The following CHRM2 variants were observed in gnomAD, a reference collection of about 807,000 sequenced individuals.
CHRM2 encodes the protein cholinergic receptor muscarinic 2, also known as muscarinic acetylcholine receptor M2.
In CHRM2, 8 loss-of-function variants were observed where a neutral mutation model predicts 25.0. The observed-to-expected ratio is 0.32, with a 90% CI of 0.19 to 0.58. The LOEUF (loss-of-function observed/expected upper bound fraction) is 0.58. CHRM2 is among the 20% of genes least tolerant of loss of function. The probability of loss-of-function intolerance (pLI) is 0.88; values close to 1 mark genes in which losing one functional copy is unlikely to be tolerated. For synonymous variants in CHRM2, 202 were observed against 205.7 expected, an observed-to-expected ratio of 0.98 and a Z score of 0.15; for missense variants, 440 against 567.1, an observed-to-expected ratio of 0.78 and a Z score of 2.28.
At chr7:136,909,999 C>T (rs1360948213) in intron 2 of CHRM2, among the ~76,000 whole-genome samples, 1 of 151,804 alleles carries the variant, frequency 6.6e-6, no homozygotes, top group African/African-American at 2.4e-5. Flanking sequence ...CCCCAACACA[C>T]ACACACACCA....
In CHRM2 at chr7:137,011,469, G is replaced by A. The variant is rs546474886; in HGVS notation, c.-46-3351G>A. Among the ~76,000 whole-genome samples the A allele has an allele frequency of 4.2e-4, 64 of 151,940 alleles. 2 individuals are homozygous for A. The South Asian group carries it at 0.012, about 28-fold the overall frequency. On this transcript the variant is annotated intron_variant, in intron 3 of 3. Coordinates refer to ENST00000680005, the MANE Select transcript of CHRM2 (RefSeq NM_001006630.2). ...GCCTGGAATTCTGATGTCCAAGACC[G>A]CAGAAGAAAAGTCTATCACAGTTTC...
intron 2 of CHRM2, chr7:136,903,030 C>A (rs995794275): frequency 3.8e-5 from 19 of 495,058 alleles, no homozygotes; most frequent in Middle Eastern, 6.3e-4. Context: ...CAACTTTAAA[C>A]AATAGGCCAG....
At chr7:137,000,548 G>A in intron 3 of CHRM2, among the ~76,000 whole-genome samples, 1 of 22,786 alleles carries the variant, frequency 4.4e-5, no homozygotes, top group Admixed American at 4.8e-4. Flanking sequence ...AAGAAAGAAA[G>A]AAGGAAGGAA....
Position 136,989,228 on chromosome 7 carries a change from G to A in CHRM2, c.-124-2959G>A, listed in dbSNP as rs192830476. Reference sequence around the variant, plus strand: ...ATCCATGCTAAGGTTAAAGATTTTTGTTTTTATAGTTTTAACTTTTTGCAT... The same window carrying A: ...ATCCATGCTAAGGTTAAAGATTTTTATTTTTATAGTTTTAACTTTTTGCAT... On this transcript the variant is annotated intron_variant, in intron 2 of 3. Transcript: ENST00000680005. 1.5e-3 allele frequency among the ~76,000 whole-genome samples: 234 copies of A among 151,152 alleles called. 1 individual carries two copies. Among genetic ancestry groups the A allele is most frequent in the South Asian group, 3.4e-3 (16 of 4,776 alleles).
intron 2 of CHRM2, among the ~76,000 whole-genome samples, chr7:136,904,917 C>A (rs1165351391): frequency 6.6e-6 from 1 of 151,864 alleles, no homozygotes; most frequent in Non-Finnish European, 1.5e-5. Context: ...ACTCACTACA[C>A]TTCTGTATTT....
intron 2 of CHRM2, among the ~76,000 whole-genome samples, chr7:136,967,164 T>C (rs1801471982): frequency 6.6e-6 from 1 of 152,018 alleles, no homozygotes; most frequent in Admixed American, 6.6e-5. Flanking sequence ...TGTTTCAGGA[T>C]TCCTGCATGG....
intron 2 of CHRM2, among the ~76,000 whole-genome samples, chr7:136,963,801 A>C (rs1000489653): frequency 6.6e-5 from 10 of 152,174 alleles, no homozygotes; most frequent in Non-Finnish European, 1.5e-4. Context: ...ATTAAAAAAA[A>C]AAATTTCTCT....
chr7:136,912,646 G>C (rs1056760668), intron 2 of CHRM2, among the ~76,000 whole-genome samples: 1 of 151,742 alleles, frequency 6.6e-6, no homozygotes, highest in Non-Finnish European at 1.5e-5. Context: ...TCTTGATATT[G>C]CTTCTTAGGT....
At chr7:136,949,758 G>A (rs1375092018) in intron 2 of CHRM2, among the ~76,000 whole-genome samples, 3 of 5,966 alleles carry the variant, frequency 5.0e-4, no homozygotes, top group Non-Finnish European at 8.5e-4. Context: ...TTTTTTTTTG[G>A]AGACAGAGTC....
chr7:136,981,407 G>C (rs886897483), intron 2 of CHRM2, among the ~76,000 whole-genome samples: 27 of 152,136 alleles, frequency 1.8e-4, no homozygotes, highest in African/African-American at 6.0e-4. Flanking sequence ...TGGATTCAAT[G>C]AATTTTTGAA....
chr7:136,909,987 C>T (rs985758319), intron 2 of CHRM2, among the ~76,000 whole-genome samples: 3 of 151,664 alleles, frequency 2.0e-5, no homozygotes, highest in Non-Finnish European at 2.9e-5. Flanking sequence ...CACATACACC[C>T]CCCCCAACAC....
intron 2 of CHRM2, among the ~76,000 whole-genome samples, chr7:136,988,042 GTATAA>G (rs889107913): frequency 6.1e-4 from 92 of 150,560 alleles, no homozygotes; most frequent in African/African-American, 1.2e-3. Context: ...AGAATTTTAT[GTATAA>G]TATATTTATT....
rs1473849515 is a variant in CHRM2 at position 136,933,556 on chromosome 7, C to A, written c.-124-58631C>A. Among the ~76,000 whole-genome samples the A allele has an allele frequency of 2.0e-5, 3 of 152,136 alleles. No individual in the cohort carries two copies. The East Asian group carries it at 5.8e-4, about 29-fold the overall frequency. ...AAAAATTTAAATATAGAGTCACCAA[C>A]ATGACTCAACAATTCTCCTTCTAGT... On this transcript the variant is annotated intron_variant, in intron 2 of 3. Transcript: ENST00000680005.
intron 3 of CHRM2, among the ~76,000 whole-genome samples, chr7:137,012,532 G>A (rs1193295367): frequency 6.6e-6 from 1 of 151,808 alleles, no homozygotes; most frequent in Non-Finnish European, 1.5e-5. Flanking sequence ...ATTATATTCT[G>A]TAATAATCTA....
In CHRM2 at chr7:136,994,931, A is replaced by C. The variant is rs189956053; in HGVS notation, c.-47+2667A>C. Among the ~76,000 whole-genome samples, 325 of 152,168 alleles carry C rather than the reference A, an allele frequency of 2.1e-3. 4 individuals are homozygous for C. Among genetic ancestry groups the C allele is most frequent in the African/African-American group, 7.3e-3 (304 of 41,540 alleles). The stretch of plus-strand genomic sequence containing the variant: ...TGTTCTTATCCATAACTTCGTTGCA[A>C]TAGCCACCAGGTTATTACAACGATC... On this transcript the variant is annotated intron_variant, in intron 3 of 3. Transcript: ENST00000680005.
chr7:136,874,341 CTTTA>C (rs1795961988), intron 2 of CHRM2, among the ~76,000 whole-genome samples: 1 of 152,026 alleles, frequency 6.6e-6, no homozygotes, highest in Non-Finnish European at 1.5e-5. Context: ...CTTTGTCTTA[CTTTA>C]TTTATTTCTC....
chr7:137,006,348 G>T (rs1804424679), intron 3 of CHRM2, among the ~76,000 whole-genome samples: 1 of 152,084 alleles, frequency 6.6e-6, no homozygotes, highest in African/African-American at 2.4e-5. Flanking sequence ...CAGTTAAGTT[G>T]CTTTTACACC....
chr7:136,959,198 T>C lies in CHRM2; in HGVS notation c.-124-32989T>C, dbSNP rs115567572. Among the ~76,000 whole-genome samples the C allele has an allele frequency of 7.8e-3, 1,182 of 152,300 alleles. 17 individuals are homozygous for C. Among genetic ancestry groups the C allele is most frequent in the African/African-American group, 0.027 (1,101 of 41,542 alleles). On this transcript the variant is annotated intron_variant, in intron 2 of 3. Transcript: ENST00000680005. ...GATACATCCTTCAATTAAAAATAGT[T>C]TGAGAATTTACCCACCAATAAATCT...
At chr7:137,000,455 C>A (rs34259336) in intron 3 of CHRM2, among the ~76,000 whole-genome samples, 5,155 of 150,546 alleles carry the variant, frequency 0.034, 155 homozygotes, top group African/African-American at 0.078. Context: ...CCACCTCGGC[C>A]TCCCAAAGTG....
Sources: allele counts gnomAD v4.1 joint callset (sites outside exome capture counted in the v4.1 genomes callset), GRCh38; gene constraint gnomAD v4.1.1; transcripts MANE v1.5; gene names NCBI Gene and HGNC (gene_info 2026-07-23, HGNC 2026-07-21).